WDR83OS: variants seen among roughly 807,000 people sequenced by gnomAD.
WDR83OS encodes the protein WD repeat domain 83 opposite strand, also known as PAT complex subunit Asterix.
WDR83OS carries 15 observed loss-of-function variants against 13.7 expected under a neutral mutation model. The observed-to-expected ratio is 1.09, with a 90% CI of 0.73 to 1.69. The LOEUF (loss-of-function observed/expected upper bound fraction) is 1.69, where lower values mean the gene tolerates loss of function less well. Among genes scored for constraint, WDR83OS ranks in the 40% most tolerant of loss-of-function variants. WDR83OS has a pLI of 0.00. For missense variants in WDR83OS, 145 were observed against 143.2 expected, an observed-to-expected ratio of 1.01 and a Z score of -0.06; for synonymous variants, 68 against 52.9, an observed-to-expected ratio of 1.29 and a Z score of -1.24.
In WDR83OS at chr19:12,668,576, G is replaced by C. The variant is rs149144620; in HGVS notation, c.198C>G (p.Ile66Met). ...CAWVAVYCSFISFANSRSSED... is the reference protein window; with the variant it reads ...CAWVAVYCSFMSFANSRSSED... The stretch of plus-strand genomic sequence containing the variant: ...CCGAGCTCCGAGAGTTGGCAAAGCT[G>C]ATGAAGGAGCAGTAGACAGCGACCC... Residue 66 changes from isoleucine to methionine, a missense_variant, in exon 3 of 4, where the codon ATC becomes ATG. Transcript: ENST00000596731. 9.3e-6 allele frequency: 15 copies of C among 1,614,024 alleles called. No homozygotes were observed. The highest frequency in any genetic ancestry group is 1.1e-5 in the Non-Finnish European group (13 of 1,180,024).
In WDR83OS at chr19:12,669,382, C is replaced by G. The variant is rs778819521; in HGVS notation, c.22G>C (p.Asp8His). 1.1e-5 allele frequency: 18 copies of G among 1,601,224 alleles called. No homozygotes were observed. The East Asian group carries it at 1.4e-4, about 12-fold the overall frequency. The change falls in exon 1 of 4, where the codon GAC (aspartate) becomes CAC (histidine). Residue 8 changes from aspartate to histidine, a missense_variant. Coordinates refer to ENST00000596731, the MANE Select transcript of WDR83OS (RefSeq NM_016145.4). ...AGCACTTTGTTCGGCCTCCGTGGGTCCGACATATTGTTAGTGGACATAGCG... is the reference window on the plus strand; with the variant it reads ...AGCACTTTGTTCGGCCTCCGTGGGTGCGACATATTGTTAGTGGACATAGCG... Reference protein sequence around the residue: MSTNNMSDPRRPNKVLRY... With the variant: MSTNNMSHPRRPNKVLRY...
chr19:12,668,442 G>A lies in WDR83OS; in HGVS notation c.255-17C>T, dbSNP rs753555088. ...ATGGACAGCCTGAGACAGGAGAGAG[G>A]TGTCAGTCTAGGATGGCCAGGCTGG... On this transcript the variant is annotated splice_polypyrimidine_tract_variant and intron_variant, in intron 3 of 3. Transcript: ENST00000596731. 3.1e-6 allele frequency: 5 copies of A among 1,613,290 alleles called. No individual in the cohort carries two copies. The highest frequency in any genetic ancestry group is 2.7e-5 in the African/African-American group (2 of 74,920).
intron 2 of WDR83OS, among the ~76,000 whole-genome samples, chr19:12,668,885 T>TC (rs919293585): frequency 1.3e-5 from 2 of 152,046 alleles, no homozygotes; most frequent in Admixed American, 6.6e-5. Flanking sequence ...ACAACTCCTC[T>TC]CCAAGTTGCT....
chr19:12,669,266 G>C, intron 1 of WDR83OS, 33 bp from the exon 2 acceptor site: 8 of 1,611,778 alleles, frequency 5.0e-6, no homozygotes, highest in Non-Finnish European at 6.8e-6. Flanking sequence ...GGGCGCTCAG[G>C]TCCTGCCCCC....
chr19:12,668,966 A>C (rs1181425121), intron 2 of WDR83OS, among the ~76,000 whole-genome samples, 162 bp downstream of exon 2: 1 of 152,040 alleles, frequency 6.6e-6, no homozygotes, highest in Non-Finnish European at 1.5e-5. Context: ...GACTTCACCA[A>C]AGACTGGGGC....
Position 12,669,175 on chromosome 19 carries a change from T to C in WDR83OS, c.109A>G (p.Met37Val), listed in dbSNP as rs762195782. 2 of 1,614,048 alleles carry C rather than the reference T, an allele frequency of 1.2e-6. No homozygotes were observed. The highest frequency in any genetic ancestry group is 1.1e-5 in the South Asian group (1 of 91,092). The part of the protein sequence containing the change: ...PALDDPTPDY[M>V]NLLGMIFSMC... ...CTGAAGATCATGCCCAGCAGGTTCA[T>C]GTAGTCCGGCGTCGGGTCGTCCAAG... The change falls in exon 2 of 4, where the codon ATG (methionine) becomes GTG (valine). Residue 37 changes from methionine to valine, a missense_variant. By Grantham distance (21) the Met-to-Val change is conservative. Coordinates refer to ENST00000596731, the MANE Select transcript of WDR83OS (RefSeq NM_016145.4).
Position 12,668,151 on chromosome 19 carries a change from C to A in WDR83OS, c.*208G>T. 1 of 571,314 alleles carries A rather than the reference C, an allele frequency of 1.8e-6. No homozygotes were observed. Among genetic ancestry groups the A allele is most frequent in the Admixed American group, 3.1e-5 (1 of 32,642 alleles). The allele number at this position is 571,314 out of a possible 1,614,324, so 35.4% of individuals were successfully genotyped here. On this transcript the variant is annotated 3_prime_UTR_variant, in exon 4 of 4. Transcript: ENST00000596731. ...CCCTAGAAACATGGACAGCATCTCC[C>A]CCAGCAGCAGGCAGGGGAAGGGAGG...
At position 12,669,149 on chromosome 19, in the gene WDR83OS, G is replaced by T. The variant is rs769701436; in HGVS notation, c.135C>A (p.Ser45Arg). The change falls in exon 2 of 4, where the codon AGC (serine) becomes AGA (arginine). Residue 45 changes from serine (S) to arginine (R), a missense_variant. Ser to Arg is a moderately radical substitution (Grantham distance 110). Transcript: ENST00000596731. ...CCACCTTAAGCATGAGGCCGCACAT[G>T]CTGAAGATCATGCCCAGCAGGTTCA... ...DYMNLLGMIF[S>R]MCGLMLKLKW... is the part of the protein sequence containing the mutation. The T allele has an allele frequency of 6.2e-7, 1 of 1,614,132 alleles. No individual in the cohort carries two copies. The highest frequency in any genetic ancestry group is 1.3e-5 in the African/African-American group (1 of 75,044).
At chr19:12,668,452 A>G in intron 3 of WDR83OS, 27 bp from the exon 4 acceptor site, 1 of 1,613,262 alleles carries the variant, frequency 6.2e-7, no homozygotes, top group East Asian at 2.2e-5. Context: ...GTGTCAGTCT[A>G]GGATGGCCAG....
intron 2 of WDR83OS, 127 bp downstream of exon 2, chr19:12,669,001 C>A: frequency 2.1e-6 from 2 of 948,750 alleles, no homozygotes; most frequent in Non-Finnish European, 1.6e-6. Context: ...GTCATCGCAG[C>A]CCCACTCCCG....
At position 12,668,101 on chromosome 19, in the gene WDR83OS, T is replaced by C; in HGVS notation, c.*258A>G. The C allele has an allele frequency of 2.4e-6, 1 of 416,182 alleles. No individual in the cohort carries two copies. The highest frequency in any genetic ancestry group is 4.4e-6 in the Non-Finnish European group (1 of 226,274). 25.8% of individuals were successfully genotyped at this position (416,182 alleles called of 1,614,324 possible). A position where few individuals can be genotyped will look rare whatever the true frequency, so the allele number is the denominator to read the frequency against. Reference sequence around the variant, plus strand: ...AGTGAAAAACTTTATTAACAACAGGTTTCAACGAGAAAGCAAATGAATACC... The same window carrying C: ...AGTGAAAAACTTTATTAACAACAGGCTTCAACGAGAAAGCAAATGAATACC... On this transcript the variant is annotated 3_prime_UTR_variant, in exon 4 of 4. Transcript: ENST00000596731.
In WDR83OS at chr19:12,669,170, G is replaced by A. The variant is rs754433938; in HGVS notation, c.114C>T (p.Asn38=). ...ALDDPTPDYM[N]LLGMIFSMCG... ...ACATGCTGAAGATCATGCCCAGCAG[G>A]TTCATGTAGTCCGGCGTCGGGTCGT... The change falls in exon 2 of 4, where the codon AAC becomes AAT. Residue 38 remains asparagine, a synonymous_variant. Transcript: ENST00000596731. 3 of 1,614,152 alleles carry A rather than the reference G, an allele frequency of 1.9e-6. No homozygotes were observed. The highest frequency in any genetic ancestry group is 1.7e-5 in the Admixed American group (1 of 60,014).
intron 1 of WDR83OS, 56 bp from the exon 2 acceptor site, chr19:12,669,289 C>T (rs917035383): frequency 6.2e-5 from 100 of 1,606,966 alleles, no homozygotes; most frequent in Non-Finnish European, 7.7e-5. Context: ...GATAGACAGG[C>T]GCTTCCCAGG....
In WDR83OS at chr19:12,668,259, A is replaced by G; in HGVS notation, c.*100T>C. The G allele has an allele frequency of 7.9e-7, 1 of 1,270,292 alleles. No homozygotes were observed. Among genetic ancestry groups the G allele is most frequent in the African/African-American group, 1.5e-5 (1 of 66,846 alleles). The allele number at this position is 1,270,292 out of a possible 1,614,324, so 78.7% of individuals were successfully genotyped here. ...TGGGGGCACCGAGACGGCCTCATTC[A>G]GGGAAGTCCAGGATGGCAGCTGAAG... On this transcript the variant is annotated 3_prime_UTR_variant, in exon 4 of 4. Coordinates refer to ENST00000596731, the MANE Select transcript of WDR83OS (RefSeq NM_016145.4).
In WDR83OS at chr19:12,669,189, G is replaced by C. The variant is rs1407588273; in HGVS notation, c.95C>G (p.Pro32Arg). 9 of 1,614,146 alleles carry C rather than the reference G, an allele frequency of 5.6e-6. No individual in the cohort carries two copies. The highest frequency in any genetic ancestry group is 7.6e-6 in the Non-Finnish European group (9 of 1,180,032). Residue 32 changes from proline to arginine, a missense_variant, in exon 2 of 4, where the codon CCG (proline) becomes CGG (arginine). Pro to Arg is a moderately radical substitution (Grantham distance 103, BLOSUM62 -2). Coordinates refer to ENST00000596731, the MANE Select transcript of WDR83OS (RefSeq NM_016145.4). ...CAGCAGGTTCATGTAGTCCGGCGTCGGGTCGTCCAAGGCCGGGTTACATTC... is the reference window on the plus strand; with the variant it reads ...CAGCAGGTTCATGTAGTCCGGCGTCCGGTCGTCCAAGGCCGGGTTACATTC... ...PSECNPALDD[P>R]TPDYMNLLGM...
At position 12,669,146 on chromosome 19, in the gene WDR83OS, C is replaced by T; in HGVS notation, c.138G>A (p.Met46Ile). The change falls in exon 2 of 4, where the codon ATG becomes ATA. Residue 46 changes from methionine to isoleucine, a missense_variant. By Grantham distance (10) the Met-to-Ile change is conservative. Transcript: ENST00000596731. The part of the protein sequence containing the change: ...YMNLLGMIFS[M>I]CGLMLKLKWC... ...CGCCCACCTTAAGCATGAGGCCGCA[C>T]ATGCTGAAGATCATGCCCAGCAGGT... 1 of 1,614,120 alleles carries T rather than the reference C, an allele frequency of 6.2e-7. No homozygotes were observed. The highest frequency in any genetic ancestry group is 8.5e-7 in the Non-Finnish European group (1 of 1,179,980).
Position 12,669,188 on chromosome 19 carries a change from C to T in WDR83OS, c.96G>A (p.Pro32=). ...PSECNPALDD[P]TPDYMNLLGM... is the part of the protein sequence containing the mutation. ...CCAGCAGGTTCATGTAGTCCGGCGT[C>T]GGGTCGTCCAAGGCCGGGTTACATT... The change falls in exon 2 of 4, where the codon CCG becomes CCA. Residue 32 remains proline, a synonymous_variant. Transcript: ENST00000596731. The T allele has an allele frequency of 6.2e-7, 1 of 1,614,138 alleles. No homozygotes were observed. Among genetic ancestry groups the T allele is most frequent in the Non-Finnish European group, 8.5e-7 (1 of 1,180,032 alleles).
intron 2 of WDR83OS, 127 bp from the exon 3 acceptor site, chr19:12,668,744 G>A (rs921164543): frequency 2.8e-5 from 22 of 787,624 alleles, no homozygotes; most frequent in Non-Finnish European, 4.5e-5. Context: ...TGCCCCACCC[G>A]GAATTCCTCA....
At position 12,668,577 on chromosome 19, in the gene WDR83OS, A is replaced by G; in HGVS notation, c.197T>C (p.Ile66Thr). The change falls in exon 3 of 4, where the codon ATC becomes ACC. Residue 66 changes from isoleucine to threonine, a missense_variant. Transcript: ENST00000596731. ...CAWVAVYCSF[I>T]SFANSRSSED... ...CGAGCTCCGAGAGTTGGCAAAGCTG[A>G]TGAAGGAGCAGTAGACAGCGACCCA... The G allele has an allele frequency of 6.2e-7, 1 of 1,614,156 alleles. No homozygotes were observed.
Sources: allele counts gnomAD v4.1 joint callset (sites outside exome capture counted in the v4.1 genomes callset), GRCh38; gene constraint gnomAD v4.1.1; transcripts MANE v1.5; gene names NCBI Gene and HGNC (gene_info 2026-07-23, HGNC 2026-07-21).